Variants in EPM2A observed in about 807,000 individuals in gnomAD.
EPM2A encodes laforin.
In EPM2A, 21 loss-of-function variants were observed where a neutral mutation model predicts 26.5. That is an observed-to-expected ratio of 0.79 (90% CI 0.56 to 1.14). The LOEUF is 1.14. Among genes scored for constraint, EPM2A ranks in the 50% most tolerant of loss-of-function variants. EPM2A has a pLI of 0.00. For missense variants in EPM2A, 458 were observed against 440.8 expected, an observed-to-expected ratio of 1.04 and a Z score of -0.35; for synonymous variants, 217 against 177.6, an observed-to-expected ratio of 1.22 and a Z score of -1.76.
chr6:145,670,052 C>G (rs1027900072), intron 2 of EPM2A, among the ~76,000 whole-genome samples: 1 of 152,138 alleles, frequency 6.6e-6, no homozygotes, highest in Admixed American at 6.6e-5. Flanking sequence ...ATCGTTTATT[C>G]TCCTGGTTCG....
intron 4 of EPM2A, among the ~76,000 whole-genome samples, chr6:145,494,579 G>A (rs1452018740): frequency 6.6e-6 from 1 of 152,064 alleles, no homozygotes; most frequent in African/African-American, 2.4e-5. Flanking sequence ...GGGACGTTAG[G>A]TTGTTAACTT....
intron 2 of EPM2A, among the ~76,000 whole-genome samples, chr6:145,517,326 G>T (rs923834898): frequency 1.1e-4 from 17 of 152,134 alleles, no homozygotes; most frequent in African/African-American, 4.1e-4. Flanking sequence ...TAAGAGGGTA[G>T]ATCTCATTAT....
intron 2 of EPM2A, among the ~76,000 whole-genome samples, chr6:145,679,731 G>A (rs1780356588): frequency 6.6e-6 from 1 of 152,008 alleles, no homozygotes; most frequent in African/African-American, 2.4e-5. Context: ...CTTCGTTTAC[G>A]GAAGTAAAAA....
At chr6:145,580,787 G>C (rs1039718171) in intron 2 of EPM2A, among the ~76,000 whole-genome samples, 3 of 152,116 alleles carry the variant, frequency 2.0e-5, no homozygotes, top group Non-Finnish European at 4.4e-5. Flanking sequence ...TTCTGCTCCT[G>C]TGTCAATTCA....
chr6:145,653,388 T>A (rs577147303), intron 2 of EPM2A, among the ~76,000 whole-genome samples: 1 of 152,294 alleles, frequency 6.6e-6, no homozygotes, highest in African/African-American at 2.4e-5. Flanking sequence ...GATTGTAGGT[T>A]TCCTTCCACC....
chr6:145,507,786 T>C (rs1487975014), intron 2 of EPM2A, among the ~76,000 whole-genome samples: 2 of 152,156 alleles, frequency 1.3e-5, no homozygotes, highest in East Asian at 1.9e-4. Context: ...AGGCTCTCTC[T>C]CACCACAAGA....
intron 4 of EPM2A, among the ~76,000 whole-genome samples, chr6:145,396,072 C>A (rs976772472): frequency 6.6e-5 from 10 of 152,144 alleles, no homozygotes; most frequent in Admixed American, 3.9e-4. Flanking sequence ...TTCTGAAGAG[C>A]CTGTTAAGAA....
downstream of EPM2A, among the ~76,000 whole-genome samples, chr6:145,500,205 TAGAG>T (rs1294771044): frequency 6.6e-6 from 1 of 152,182 alleles, no homozygotes; most frequent in African/African-American, 2.4e-5. Context: ...TCCAACTATT[TAGAG>T]AGAGAGTCGT....
intron 2 of EPM2A, among the ~76,000 whole-genome samples, chr6:145,516,473 G>T (rs1347582912): frequency 2.6e-5 from 4 of 152,120 alleles, no homozygotes; most frequent in African/African-American, 9.7e-5. Flanking sequence ...AACAATACTG[G>T]TGGCTAAGAT....
chr6:145,545,205 T>G (rs1342072104), intron 2 of EPM2A, among the ~76,000 whole-genome samples: 3 of 152,032 alleles, frequency 2.0e-5, no homozygotes, highest in Non-Finnish European at 4.4e-5. Context: ...CAGTGAAATC[T>G]CAGTGGCTTA....
rs192305558 is a variant in EPM2A, at chr6:145,695,801, C to A, written c.302-9505G>T. 1.8e-3 allele frequency among the ~76,000 whole-genome samples: 268 copies of A among 152,022 alleles called. 1 individual carries two copies. Among genetic ancestry groups the A allele is most frequent in the African/African-American group, 6.1e-3 (255 of 41,526 alleles). On this transcript the variant is annotated intron_variant, in intron 1 of 3. Coordinates refer to ENST00000367519, the MANE Select transcript of EPM2A (RefSeq NM_005670.4). ...CTAAATATTTAAGGCAGTTATTAAG[C>A]AATCTGAACGGAGAGATAGACTGAA...
At chr6:145,458,256 T>A (rs1779285995) in intron 4 of EPM2A, among the ~76,000 whole-genome samples, 1 of 152,210 alleles carries the variant, frequency 6.6e-6, no homozygotes, top group Non-Finnish European at 1.5e-5. Context: ...CAATGATAAA[T>A]GTTCCAGAAA....
chr6:145,495,334 T>G (rs1779803477), intron 4 of EPM2A, among the ~76,000 whole-genome samples: 1 of 151,532 alleles, frequency 6.6e-6, no homozygotes, highest in South Asian at 2.1e-4. Context: ...TGTTTTCCAT[T>G]TGCTTGGTAA....
At chr6:145,645,074 G>T (rs1205775329) in intron 2 of EPM2A, among the ~76,000 whole-genome samples, 1 of 152,120 alleles carries the variant, frequency 6.6e-6, no homozygotes, top group Non-Finnish European at 1.5e-5. Context: ...GAGTGCATTT[G>T]GTTACACATG....
At chr6:145,467,912 A>G (rs1779420612) in intron 4 of EPM2A, among the ~76,000 whole-genome samples, 1 of 152,012 alleles carries the variant, frequency 6.6e-6, no homozygotes, top group Non-Finnish European at 1.5e-5. Context: ...CCTATATGGA[A>G]ATATTATTGT....
chr6:145,422,942 C>G (rs1025833721), intron 4 of EPM2A, among the ~76,000 whole-genome samples: 1 of 151,724 alleles, frequency 6.6e-6, no homozygotes, highest in African/African-American at 2.4e-5. Context: ...TTTAGCCTTG[C>G]TTATGTTTTA....
intron 2 of EPM2A, among the ~76,000 whole-genome samples, chr6:145,648,929 A>G (rs1409073414): frequency 1.3e-5 from 2 of 152,242 alleles, no homozygotes; most frequent in African/African-American, 4.8e-5. Flanking sequence ...GAAAAAGGGA[A>G]GTTAGAGGTG....
At chr6:145,717,249 C>T (rs1418589206) in intron 1 of EPM2A, among the ~76,000 whole-genome samples, 3 of 152,182 alleles carry the variant, frequency 2.0e-5, no homozygotes, top group Non-Finnish European at 4.4e-5. Flanking sequence ...TTCAGCAGCA[C>T]ATCAAAAAGC....
At chr6:145,555,986 T>A (rs1248799780) in intron 2 of EPM2A, among the ~76,000 whole-genome samples, 4 of 152,166 alleles carry the variant, frequency 2.6e-5, no homozygotes. Context: ...ACATTAACCT[T>A]TTCTTTTTGC....
Sources: gnomAD v4.1 joint callset for allele counts (sites outside exome capture counted in the v4.1 genomes callset) on GRCh38, gnomAD v4.1.1 for gene constraint, MANE v1.5 for transcripts, NCBI Gene and HGNC (gene_info 2026-07-23, HGNC 2026-07-21) for gene names.